CEP135: variants seen among roughly 807,000 people sequenced by gnomAD.
CEP135 encodes the protein centrosomal protein of 135 kDa.
CEP135 carries 142 observed loss-of-function variants against 157.3 expected under a neutral mutation model. The ratio of observed to expected loss-of-function variants is 0.90; its 90% CI spans 0.79 to 1.04. The LOEUF (loss-of-function observed/expected upper bound fraction) is 1.04, where lower values mean the gene tolerates loss of function less well. CEP135 is among the 50% of genes least tolerant of loss of function. CEP135 has a pLI of 0.00. For synonymous variants in CEP135, 396 were observed against 439.8 expected (o/e 0.90, Z 1.25); for missense variants, 1,317 against 1,309.2 (o/e 1.01, Z -0.09).
chr4:55,992,671 T>TG (rs1391916118), intron 15 of CEP135, among the ~76,000 whole-genome samples: 8 of 152,234 alleles, frequency 5.3e-5, no homozygotes, highest in Admixed American at 5.2e-4. Context: ...GGATCTGGAC[T>TG]GAAGCAGTGG....
At chr4:56,004,811 C>T (rs1730294640) in intron 17 of CEP135, among the ~76,000 whole-genome samples, 1 of 151,958 alleles carries the variant, frequency 6.6e-6, no homozygotes, top group Admixed American at 6.6e-5. Flanking sequence ...AAGTGGGTTT[C>T]CTGTAGGCAG....
At chr4:55,982,731 C>T (rs1729456082) in intron 13 of CEP135, among the ~76,000 whole-genome samples, 1 of 152,100 alleles carries the variant, frequency 6.6e-6, no homozygotes, top group Non-Finnish European at 1.5e-5. Flanking sequence ...TTCACTTTCT[C>T]AGTGATGTCT....
At chr4:56,007,090 C>T (rs1279822347) in intron 17 of CEP135, among the ~76,000 whole-genome samples, 3 of 152,002 alleles carry the variant, frequency 2.0e-5, no homozygotes, top group Non-Finnish European at 4.4e-5. Flanking sequence ...GATGGCATTT[C>T]ACCATGTTGG....
At chr4:55,959,899 A>T (rs1237949714) in intron 6 of CEP135, 133 bp downstream of exon 6, 1 of 753,478 alleles carries the variant, frequency 1.3e-6, no homozygotes, top group East Asian at 2.7e-5. Flanking sequence ...AGGTTTGTTA[A>T]TAGAGTTAAT....
At chr4:56,008,511 ATC>A in intron 18 of CEP135, 129 bp downstream of exon 18, 1 of 700,312 alleles carries the variant, frequency 1.4e-6, no homozygotes, top group East Asian at 2.6e-5. Flanking sequence ...CAATGGTAGC[ATC>A]ATTTTCTCAG....
At chr4:55,985,512 G>T (rs180679039) in intron 14 of CEP135, among the ~76,000 whole-genome samples, 154 bp downstream of exon 14, 65 of 152,034 alleles carry the variant, frequency 4.3e-4, no homozygotes, top group Non-Finnish European at 8.2e-4. Context: ...TTGGAGTACA[G>T]TGGCACAATC....
chr4:55,991,735 T>G (rs1729803664), intron 14 of CEP135, among the ~76,000 whole-genome samples, 199 bp from the exon 15 acceptor site: 1 of 152,194 alleles, frequency 6.6e-6, no homozygotes, highest in South Asian at 2.1e-4. Context: ...TGTTTGTATC[T>G]TTAATGGTAG....
chr4:56,004,653 A>G (rs576294438), intron 17 of CEP135, among the ~76,000 whole-genome samples: 6 of 152,282 alleles, frequency 3.9e-5, no homozygotes, highest in Admixed American at 1.3e-4. Context: ...TTATAATTCT[A>G]TATAGTGACC....
chr4:55,959,345 G>A (rs1052764018), intron 5 of CEP135, among the ~76,000 whole-genome samples: 8 of 152,188 alleles, frequency 5.3e-5, no homozygotes, highest in African/African-American at 1.9e-4. Flanking sequence ...TACTAAGTCT[G>A]TGAATTGTGG....
chr4:56,013,723 GT>G (rs1387809542), intron 21 of CEP135, among the ~76,000 whole-genome samples: 3 of 151,992 alleles, frequency 2.0e-5, no homozygotes, highest in East Asian at 3.9e-4. Flanking sequence ...GTTTTGTTTT[GT>G]TTGTATAGTT....
Position 55,986,302 on chromosome 4 carries a change from C to T in CEP135, c.1857+944C>T, listed in dbSNP as rs150577386. ...CTATAATCCCAACACTTTGGGAGGC[C>T]AAGGTGAGGCAGGTGGATCAGTTGA... On this transcript the variant is annotated intron_variant, in intron 14 of 25. Coordinates refer to ENST00000257287, the MANE Select transcript of CEP135 (RefSeq NM_025009.5). 2.6e-3 allele frequency among the ~76,000 whole-genome samples: 400 copies of T among 152,186 alleles called. 5 individuals carry two copies. Among genetic ancestry groups the T allele is most frequent in the Middle Eastern group, 0.014 (4 of 294 alleles).
intron 11 of CEP135, among the ~76,000 whole-genome samples, chr4:55,975,445 G>A (rs554444201): frequency 6.6e-6 from 1 of 152,178 alleles, no homozygotes; most frequent in Non-Finnish European, 1.5e-5. Flanking sequence ...GATAGAAATG[G>A]CAAGTGAGTG....
At chr4:56,028,457 A>G (rs1045471055) in intron 25 of CEP135, among the ~76,000 whole-genome samples, 1 of 152,170 alleles carries the variant, frequency 6.6e-6, no homozygotes, top group Non-Finnish European at 1.5e-5. Context: ...ACAAACTCAT[A>G]ATTTATAACT....
At chr4:56,021,908 T>C (rs1730986232) in intron 24 of CEP135, among the ~76,000 whole-genome samples, 2 of 152,074 alleles carry the variant, frequency 1.3e-5, no homozygotes, top group Admixed American at 1.3e-4. Flanking sequence ...TGGGTGCCTG[T>C]AGTCCCAGCT....
intron 17 of CEP135, among the ~76,000 whole-genome samples, chr4:56,001,927 C>A (rs1730188078): frequency 6.6e-6 from 1 of 151,948 alleles, no homozygotes; most frequent in Non-Finnish European, 1.5e-5. Context: ...TTTCTTTCAT[C>A]AGTGTTTTGT....
chr4:55,951,914 G>T (rs1018193851), intron 1 of CEP135, among the ~76,000 whole-genome samples, 172 bp from the exon 2 acceptor site: 6 of 152,254 alleles, frequency 3.9e-5, no homozygotes, highest in African/African-American at 9.6e-5. Flanking sequence ...TTATTTTAAT[G>T]CAGTAACAGG....
intron 17 of CEP135, among the ~76,000 whole-genome samples, chr4:56,007,295 C>T (rs571979766): frequency 4.0e-4 from 61 of 152,234 alleles, no homozygotes; most frequent in African/African-American, 1.2e-3. Context: ...TCCTTTTTGT[C>T]ACTAGATGGT....
intron 15 of CEP135, among the ~76,000 whole-genome samples, chr4:55,997,038 T>C (rs1430944098): frequency 6.6e-6 from 1 of 152,212 alleles, no homozygotes; most frequent in Admixed American, 6.5e-5. Context: ...GAGAAGTTGT[T>C]ACTTCCCTTT....
chr4:56,010,856 C>T (rs898807690), intron 19 of CEP135, among the ~76,000 whole-genome samples: 1 of 152,016 alleles, frequency 6.6e-6, no homozygotes, highest in Non-Finnish European at 1.5e-5. Flanking sequence ...TAATGTCAAC[C>T]CCTGACCATA....
Sources: gnomAD v4.1 joint callset for allele counts (sites outside exome capture counted in the v4.1 genomes callset) on GRCh38, gnomAD v4.1.1 for gene constraint, MANE v1.5 for transcripts, NCBI Gene and HGNC (gene_info 2026-07-23, HGNC 2026-07-21) for gene names.